The following MME variants were observed in gnomAD, a reference collection of about 807,000 sequenced individuals.
MME encodes membrane metalloendopeptidase.
In MME, 98 loss-of-function variants were observed where a neutral mutation model predicts 113.2. The ratio of observed to expected loss-of-function variants is 0.87; its 90% CI spans 0.74 to 1.02. The LOEUF (loss-of-function observed/expected upper bound fraction) is 1.02, where lower values mean the gene tolerates loss of function less well. Ranked by LOEUF, MME falls within the 50% of genes least tolerant of loss-of-function variation. MME has a pLI of 0.00. For missense variants in MME, 836 were observed against 896.0 expected (o/e 0.93, Z 0.86); for synonymous variants, 292 against 300.6 (o/e 0.97, Z 0.30).
At position 155,180,472 on chromosome 3, in the gene MME, G is replaced by A. The variant is rs200277075; in HGVS notation, c.*13G>A. 4.4e-5 allele frequency: 70 copies of A among 1,601,422 alleles called. No individual in the cohort carries two copies. In the South Asian group the frequency reaches 6.7e-4, roughly 15 times the overall value. ...CCGGGTTTGGTGATCTTCAAAAGAAGCATTGCAGCCCTTGGCTAGACTTGC... is the reference window on the plus strand; with the variant it reads ...CCGGGTTTGGTGATCTTCAAAAGAAACATTGCAGCCCTTGGCTAGACTTGC... On this transcript the variant is annotated 3_prime_UTR_variant, in exon 23 of 23. Coordinates refer to ENST00000360490, the MANE Select transcript of MME (RefSeq NM_007289.4).
chr3:155,126,225 T>C (rs1488162342), intron 8 of MME, among the ~76,000 whole-genome samples: 1 of 152,172 alleles, frequency 6.6e-6, no homozygotes, highest in African/African-American at 2.4e-5. Flanking sequence ...GATTTGAAAG[T>C]GATTGAGGAA....
intron 3 of MME, among the ~76,000 whole-genome samples, chr3:155,094,841 A>T (rs1156608904): frequency 1.3e-5 from 2 of 152,236 alleles, no homozygotes; most frequent in African/African-American, 4.8e-5. Flanking sequence ...ACCTCTGATT[A>T]ATCCCTTGAA....
chr3:155,089,397 T>C (rs1426365737), intron 3 of MME, among the ~76,000 whole-genome samples: 2 of 152,216 alleles, frequency 1.3e-5, no homozygotes, highest in African/African-American at 4.8e-5. Flanking sequence ...CAATCACTAT[T>C]GATATTTTTG....
chr3:155,031,239 A>G (rs1712960038), intron 1 of MME, among the ~76,000 whole-genome samples: 1 of 152,178 alleles, frequency 6.6e-6, no homozygotes, highest in Non-Finnish European at 1.5e-5. Context: ...AGTGTCATTT[A>G]TTAATTCCAG....
intron 8 of MME, 109 bp from the exon 9 acceptor site, chr3:155,137,993 C>A: frequency 8.2e-7 from 1 of 1,216,430 alleles, no homozygotes; most frequent in Non-Finnish European, 1.2e-6. Context: ...TTTTATTTTA[C>A]TAAGGTTATC....
chr3:155,124,802 A>T (rs997126942), intron 8 of MME, among the ~76,000 whole-genome samples: 2 of 152,010 alleles, frequency 1.3e-5, no homozygotes, highest in African/African-American at 4.8e-5. Flanking sequence ...GTGTGCTGGG[A>T]GAACCACTGC....
intron 1 of MME, among the ~76,000 whole-genome samples, chr3:155,048,279 C>T (rs543521834): frequency 2.0e-5 from 3 of 152,144 alleles, no homozygotes; most frequent in African/African-American, 7.2e-5. Context: ...ATGGGGCCTG[C>T]TCTTAGAGCA....
rs922718950 is a variant in MME, at chr3:155,168,535, T to C, written c.1824T>C (p.Thr608=). The C allele has an allele frequency of 1.2e-6, 2 of 1,612,894 alleles. No homozygotes were observed. Among genetic ancestry groups the C allele is most frequent in the African/African-American group, 2.7e-5 (2 of 74,914 alleles). ...NKDGDLVDWW[T]QQSASNFKEQ... ...ATGGAGACCTCGTTGACTGGTGGAC[T>C]CAACAGTCTGCAAGTAACTTTAAGG... Residue 608 remains threonine (T), a synonymous_variant, in exon 19 of 23, where the codon ACT becomes ACC. Coordinates refer to ENST00000360490, the MANE Select transcript of MME (RefSeq NM_007289.4).
chr3:155,025,877 T>G (rs1323299394), intron 1 of MME, among the ~76,000 whole-genome samples: 1 of 151,246 alleles, frequency 6.6e-6, no homozygotes, highest in Non-Finnish European at 1.5e-5. Context: ...ATATTTTTAG[T>G]AGAGATGGGG....
intron 8 of MME, among the ~76,000 whole-genome samples, chr3:155,132,727 G>A (rs1720234039): frequency 6.6e-6 from 1 of 151,886 alleles, no homozygotes; most frequent in Non-Finnish European, 1.5e-5. Flanking sequence ...GGTTTAAAAA[G>A]TATCCTGGCC....
chr3:155,135,855 G>A (rs569542922), intron 8 of MME, among the ~76,000 whole-genome samples: 1 of 152,148 alleles, frequency 6.6e-6, no homozygotes, highest in East Asian at 1.9e-4. Flanking sequence ...CATCTCCTTA[G>A]TCAGATATAC....
intron 1 of MME, chr3:155,083,599 A>G (rs1201589948): frequency 6.3e-6 from 1 of 157,488 alleles, no homozygotes; most frequent in African/African-American, 2.4e-5. Flanking sequence ...GAACTGTAAA[A>G]ATAAAGGTTG....
chr3:155,131,702 C>G (rs939254826), intron 8 of MME, among the ~76,000 whole-genome samples: 1 of 152,130 alleles, frequency 6.6e-6, no homozygotes, highest in African/African-American at 2.4e-5. Context: ...TTTGGGTCCT[C>G]TTAGGTCCCA....
intron 22 of MME, among the ~76,000 whole-genome samples, chr3:155,173,316 C>T (rs1712186181): frequency 6.8e-6 from 1 of 147,214 alleles, no homozygotes; most frequent in Non-Finnish European, 1.5e-5. Flanking sequence ...TCAACAACAC[C>T]TCTCAGGCAA....
At chr3:155,155,558 G>A (rs1203952102) in intron 16 of MME, among the ~76,000 whole-genome samples, 1 of 152,118 alleles carries the variant, frequency 6.6e-6, no homozygotes, top group Non-Finnish European at 1.5e-5. Context: ...CCCACCACTG[G>A]TCTTAGCCTT....
intron 1 of MME, among the ~76,000 whole-genome samples, chr3:155,070,234 C>T (rs546770547): frequency 1.4e-4 from 21 of 152,214 alleles, no homozygotes; most frequent in Admixed American, 1.2e-3. Context: ...CATTAATGTG[C>T]ATTGAATAAG....
At chr3:155,101,466 T>C (rs1372720895) in intron 3 of MME, among the ~76,000 whole-genome samples, 1 of 152,044 alleles carries the variant, frequency 6.6e-6, no homozygotes, top group Non-Finnish European at 1.5e-5. Context: ...GCTCAAACAT[T>C]CCACTTCCAG....
intron 22 of MME, among the ~76,000 whole-genome samples, chr3:155,172,960 A>T (rs1712151448): frequency 6.6e-6 from 1 of 152,096 alleles, no homozygotes; most frequent in South Asian, 2.1e-4. Flanking sequence ...GCCCAGACCC[A>T]ATGAGCTCCA....
At chr3:155,125,019 T>G (rs1383360828) in intron 8 of MME, among the ~76,000 whole-genome samples, 1 of 151,860 alleles carries the variant, frequency 6.6e-6, no homozygotes, top group African/African-American at 2.4e-5. Context: ...TCCCCCAGCC[T>G]CGCTGCCGCC....
Sources: gnomAD v4.1 joint callset for allele counts (sites outside exome capture counted in the v4.1 genomes callset) on GRCh38, gnomAD v4.1.1 for gene constraint, MANE v1.5 for transcripts, NCBI Gene and HGNC (gene_info 2026-07-23, HGNC 2026-07-21) for gene names.